Variants in SVOPL observed in about 807,000 individuals in gnomAD.
SVOPL encodes the protein putative transporter SVOPL.
Under a neutral mutation model 61.0 loss-of-function variants are expected in SVOPL, and 60 were observed. The observed-to-expected ratio is 0.98, with a 90% CI of 0.80 to 1.22. SVOPL has a LOEUF of 1.22. Among genes scored for constraint, SVOPL ranks in the 50% most tolerant of loss-of-function variants. The probability of loss-of-function intolerance (pLI) is 0.00; values close to 1 mark genes in which losing one functional copy is unlikely to be tolerated. For synonymous variants in SVOPL, 279 were observed against 250.0 expected (o/e 1.12, Z -1.09); for missense variants, 662 against 643.9 (o/e 1.03, Z -0.30).
chr7:138,661,404 G>T lies in SVOPL; in HGVS notation c.346-1416C>A, dbSNP rs937947817. 7.1e-6 allele frequency: 7 copies of T among 985,232 alleles called. No homozygotes were observed. The Admixed American group carries it at 3.7e-4, about 52-fold the overall frequency. The allele number at this position is 985,232 out of a possible 1,614,324, so 61.0% of individuals were successfully genotyped here. On this transcript the variant is annotated intron_variant, in intron 5 of 15. Coordinates refer to ENST00000674285, the MANE Select transcript of SVOPL (RefSeq NM_001139456.2). ...ACATCCATCAACTTGAGAGAGAAAA[G>T]CGGCTCAGAACAGTCTGAGGAATGT... is the stretch of plus-strand genomic sequence containing the variant.
At chr7:138,629,153 G>GTGTGTGTGTGTGTGTGTA (rs10624737) in intron 10 of SVOPL, among the ~76,000 whole-genome samples, 25 of 147,376 alleles carry the variant, frequency 1.7e-4, no homozygotes, top group Non-Finnish European at 1.9e-4. Context: ...GTGTGTGTGT[G>GTGTGTGTGTGTGTGTGTA]TATATATGTA....
At position 138,685,255 on chromosome 7, in the gene SVOPL, A is replaced by T. The variant is rs987915825; in HGVS notation, c.-34-6176T>A. Among the ~76,000 whole-genome samples the T allele has an allele frequency of 4.6e-5, 7 of 152,234 alleles. No individual in the cohort carries two copies. The South Asian group carries it at 1.2e-3, about 27-fold the overall frequency. ...CCACAATGGAATATTATTCATCTTT[A>T]AAAAAGAGGGAAATCCTGCCATCTG... is the stretch of plus-strand genomic sequence containing the variant. On this transcript the variant is annotated intron_variant, in intron 1 of 15. Transcript: ENST00000674285.
intron 1 of SVOPL, among the ~76,000 whole-genome samples, chr7:138,689,674 T>C (rs760477782): frequency 1.8e-4 from 28 of 151,574 alleles, no homozygotes; most frequent in African/African-American, 4.4e-4. Flanking sequence ...CTGACCAACA[T>C]GGTGAAACCC....
chr7:138,672,740 C>T (rs73730422), intron 3 of SVOPL, among the ~76,000 whole-genome samples: 6,522 of 150,824 alleles, frequency 0.043, 371 homozygotes, highest in East Asian at 0.2. Context: ...AACCTCCCAC[C>T]TTGACCTCCC....
At chr7:138,671,179 C>A (rs535991647) in intron 4 of SVOPL, among the ~76,000 whole-genome samples, 1 of 152,106 alleles carries the variant, frequency 6.6e-6, no homozygotes, top group South Asian at 2.1e-4. Flanking sequence ...GTGCTTCTGG[C>A]CCTGCCCACC....
chr7:138,673,606 C>G (rs1333692978), intron 3 of SVOPL, among the ~76,000 whole-genome samples: 1 of 152,106 alleles, frequency 6.6e-6, no homozygotes, highest in Non-Finnish European at 1.5e-5. Context: ...GATCACACCA[C>G]TGCACTCCAG....
chr7:138,639,599 G>A (rs1460462772), intron 9 of SVOPL, among the ~76,000 whole-genome samples: 9 of 148,138 alleles, frequency 6.1e-5, no homozygotes, highest in African/African-American at 1.2e-4. Context: ...CAGCCTGGGC[G>A]ACAGAGGGAG....
chr7:138,627,257 G>A (rs1314389950), intron 12 of SVOPL, 93 bp downstream of exon 12: 1 of 934,970 alleles, frequency 1.1e-6, no homozygotes, highest in Non-Finnish European at 1.7e-6. Flanking sequence ...CTGGGTGAAA[G>A]TGACTTGTCC....
At chr7:138,641,814 T>TTATATATATATATATATAATATA in intron 9 of SVOPL, among the ~76,000 whole-genome samples, 1 of 120,972 alleles carries the variant, frequency 8.3e-6, no homozygotes, top group Non-Finnish European at 1.7e-5. Flanking sequence ...TATATATATG[T>TTATATATATATATATATAATATA]TATATATATA....
chr7:138,677,282 G>A (rs915212647), intron 3 of SVOPL, among the ~76,000 whole-genome samples: 7 of 151,988 alleles, frequency 4.6e-5, no homozygotes, highest in African/African-American at 9.7e-5. Context: ...AGACTGCTGC[G>A]TCCAATGATG....
chr7:138,619,496 A>C (rs2116862920), intron 14 of SVOPL, among the ~76,000 whole-genome samples: 2 of 145,658 alleles, frequency 1.4e-5, no homozygotes, highest in Admixed American at 1.4e-4. Flanking sequence ...AAGTAAAAGC[A>C]CCAGACAAAA....
chr7:138,689,677 T>C (rs1802896868), intron 1 of SVOPL, among the ~76,000 whole-genome samples: 1 of 151,430 alleles, frequency 6.6e-6, no homozygotes, highest in South Asian at 2.1e-4. Context: ...ACCAACATGG[T>C]GAAACCCCGT....
In SVOPL at chr7:138,614,392, CT is replaced by C. The variant is rs528123598; in HGVS notation, c.1353+6653del. On this transcript the variant is annotated intron_variant, in intron 14 of 15. Coordinates refer to ENST00000674285, the MANE Select transcript of SVOPL (RefSeq NM_001139456.2). ...CCGCTGAATTTTGGCAGCATTTCAA[CT>C]TTTTTTTTTTTTTTTTTTTTGAGAC... is the stretch of plus-strand genomic sequence containing the variant. Among the ~76,000 whole-genome samples the C allele has an allele frequency of 7.4e-3, 1,021 of 137,876 alleles. 7 individuals carry two copies. The highest frequency in any genetic ancestry group is 0.021 in the African/African-American group (788 of 37,340). The allele number at this position is 137,876 out of a possible 152,430, so 90.5% of individuals were successfully genotyped here. A position where few individuals can be genotyped will look rare whatever the true frequency, so the allele number is the denominator to read the frequency against.
chr7:138,599,887 CAA>C (rs11379417), intron 14 of SVOPL, among the ~76,000 whole-genome samples: 84 of 108,922 alleles, frequency 7.7e-4, no homozygotes, highest in Middle Eastern at 4.6e-3. Flanking sequence ...GACTCCGTCT[CAA>C]AAAAAAAAAA....
chr7:138,669,209 G>T (rs1176553597), intron 4 of SVOPL, among the ~76,000 whole-genome samples: 1 of 152,146 alleles, frequency 6.6e-6, no homozygotes, highest in Non-Finnish European at 1.5e-5. Context: ...CCAACACTTT[G>T]AGAGGCCTAG....
intron 4 of SVOPL, among the ~76,000 whole-genome samples, chr7:138,668,832 CA>C (rs1264570015): frequency 6.6e-6 from 1 of 152,180 alleles, no homozygotes; most frequent in African/African-American, 2.4e-5. Flanking sequence ...TCTCCACCAC[CA>C]GTTTCAGACT....
intron 10 of SVOPL, among the ~76,000 whole-genome samples, chr7:138,629,010 A>G (rs1208470680): frequency 6.6e-6 from 1 of 152,114 alleles, no homozygotes; most frequent in Non-Finnish European, 1.5e-5. Flanking sequence ...CATCTCTACA[A>G]GTGCAAAATA....
chr7:138,600,173 AAATTAC>A, intron 14 of SVOPL, among the ~76,000 whole-genome samples: 1 of 152,354 alleles, frequency 6.6e-6, no homozygotes, highest in African/African-American at 2.4e-5. Flanking sequence ...GAAAAATTGC[AAATTAC>A]ATTAAAAATT....
intron 4 of SVOPL, among the ~76,000 whole-genome samples, chr7:138,669,680 A>C (rs1005841760): frequency 1.3e-5 from 2 of 152,106 alleles, no homozygotes; most frequent in African/African-American, 4.8e-5. Context: ...CTCACTTATG[A>C]CTTATTGCCC....
Sources: allele counts gnomAD v4.1 joint callset (sites outside exome capture counted in the v4.1 genomes callset), GRCh38; gene constraint gnomAD v4.1.1; transcripts MANE v1.5; gene names NCBI Gene and HGNC (gene_info 2026-07-23, HGNC 2026-07-21).